Variants in SCN10A observed in about 807,000 individuals in gnomAD.
SCN10A encodes the protein sodium channel protein type 10 subunit alpha.
SCN10A carries 162 observed loss-of-function variants against 170.7 expected under a neutral mutation model. The observed-to-expected ratio is 0.95, with a 90% CI of 0.84 to 1.08. The LOEUF is 1.08. Ranked by LOEUF, SCN10A falls within the 50% of genes least tolerant of loss-of-function variation. The pLI is 0.00. For synonymous variants in SCN10A, 985 were observed against 904.6 expected (o/e 1.09, Z -1.59); for missense variants, 2,527 against 2,436.9 (o/e 1.04, Z -0.78).
At chr3:38,755,279 C>A (rs531378087) in intron 11 of SCN10A, among the ~76,000 whole-genome samples, 1 of 151,718 alleles carries the variant, frequency 6.6e-6, no homozygotes, top group Admixed American at 6.6e-5. Flanking sequence ...AAAACCACCT[C>A]GACGCATCAG....
chr3:38,720,063 C>G (rs1356714668), intron 20 of SCN10A, among the ~76,000 whole-genome samples: 1 of 152,202 alleles, frequency 6.6e-6, no homozygotes, highest in Non-Finnish European at 1.5e-5. Flanking sequence ...TGGGACAGCT[C>G]TTTGGTGTCC....
At chr3:38,799,496 CT>C (rs1231989913) in intron 1 of SCN10A, among the ~76,000 whole-genome samples, 1 of 152,060 alleles carries the variant, frequency 6.6e-6, no homozygotes, top group Non-Finnish European at 1.5e-5. Flanking sequence ...TTTTATTGTT[CT>C]TTTTATTATG....
chr3:38,722,177 A>C (rs1368943986), intron 20 of SCN10A, 81 bp downstream of exon 20: 1 of 1,392,898 alleles, frequency 7.2e-7, no homozygotes, highest in African/African-American at 1.4e-5. Flanking sequence ...AGGAGAACCC[A>C]CTGATGCAGC....
chr3:38,737,837 T>TCTTTCTTTCTTTCTTTCTTTCTTTCTTC (rs2063586299), intron 15 of SCN10A, among the ~76,000 whole-genome samples: 1 of 79,786 alleles, frequency 1.3e-5, no homozygotes, highest in East Asian at 4.5e-4. Context: ...TCTTTCTCTT[T>TCTTTCTTTCTTTCTTTCTTTCTTTCTTC]CTTCTTTCTT....
Position 38,755,802 on chromosome 3 carries a change from T to C in SCN10A, c.1447A>G (p.Asn483Asp). The C allele has an allele frequency of 4.3e-6, 7 of 1,613,814 alleles. No individual in the cohort carries two copies. The highest frequency in any genetic ancestry group is 5.9e-6 in the Non-Finnish European group (7 of 1,180,034). Reference protein sequence around the residue: ...DNKSPRSDPYNQRRMSFLGLA... With the variant: ...DNKSPRSDPYDQRRMSFLGLA... ...GAGCCTCTTACCATCCTGCGCTGGT[T>C]GTAAGGATCAGAGCGGGGTGATTTG... The change falls in exon 11 of 28, where the codon AAC becomes GAC. Residue 483 changes from asparagine to aspartate, a missense_variant. Transcript: ENST00000449082.
At chr3:38,723,701 G>A in intron 18 of SCN10A, 148 bp from the exon 19 acceptor site, 1 of 1,033,038 alleles carries the variant, frequency 9.7e-7, no homozygotes. Flanking sequence ...AGCCCCAGAG[G>A]CTTAGCTGTG....
intron 4 of SCN10A, among the ~76,000 whole-genome samples, chr3:38,780,040 C>A (rs1486452133): frequency 6.6e-6 from 1 of 151,686 alleles, no homozygotes; most frequent in Non-Finnish European, 1.5e-5. Context: ...ATTACTAGGT[C>A]ATCTATAATT....
rs567169368 is a variant in SCN10A, at chr3:38,765,643, CA to C, written c.600-2048del. On this transcript the variant is annotated intron_variant, in intron 5 of 27. Transcript: ENST00000449082. ...ATAGCCTTGTAGTATAGTTTGAAATCAGCTAAGGTGATGCCTCCAGATTTGT... is the reference window on the plus strand; with the variant it reads ...ATAGCCTTGTAGTATAGTTTGAAATCGCTAAGGTGATGCCTCCAGATTTGT... Among the ~76,000 whole-genome samples the C allele has an allele frequency of 8.3e-4, 126 of 152,226 alleles. 1 individual carries two copies. The highest frequency in any genetic ancestry group is 7.5e-3 in the South Asian group (36 of 4,826).
chr3:38,718,690 G>T lies in SCN10A; in HGVS notation c.3644C>A (p.Thr1215Asn). Residue 1215 changes from threonine to asparagine, a missense_variant, in exon 21 of 28, where the codon ACC becomes AAC. Transcript: ENST00000449082. ...GAAGTCCAGCCAGCACCAGGCATTG[G>T]TGAAGTACTTTTTGAAGCCATAGGC... ...WVAYGFKKYF[T>N]NAWCWLDFLI... 1 of 1,614,206 alleles carries T rather than the reference G, an allele frequency of 6.2e-7. No homozygotes were observed. The highest frequency in any genetic ancestry group is 8.5e-7 in the Non-Finnish European group (1 of 1,180,036).
At chr3:38,739,752 G>A in intron 14 of SCN10A, 64 bp from the exon 15 acceptor site, 2 of 1,316,300 alleles carry the variant, frequency 1.5e-6, no homozygotes, top group Non-Finnish European at 2.1e-6. Context: ...TGATAAAAAT[G>A]GCAGCAAGAA....
intron 1 of SCN10A, among the ~76,000 whole-genome samples, chr3:38,807,151 C>A (rs536091982): frequency 6.6e-6 from 1 of 152,154 alleles, no homozygotes; most frequent in African/African-American, 2.4e-5. Context: ...TTAAGTAAGC[C>A]AAATATTTTT....
chr3:38,779,415 C>G (rs2064112486), intron 4 of SCN10A, among the ~76,000 whole-genome samples: 1 of 151,904 alleles, frequency 6.6e-6, no homozygotes, highest in Admixed American at 6.6e-5. Context: ...CATTTAGGTA[C>G]TTTAAAATTT....
chr3:38,740,567 G>C (rs1559435929), intron 14 of SCN10A, among the ~76,000 whole-genome samples: 1 of 152,162 alleles, frequency 6.6e-6, no homozygotes, highest in South Asian at 2.1e-4. Flanking sequence ...GGTGTGGTGG[G>C]GGGTAGGGTT....
intron 1 of SCN10A, among the ~76,000 whole-genome samples, chr3:38,796,635 T>C (rs1200425811): frequency 4.6e-5 from 7 of 152,172 alleles, no homozygotes; most frequent in Admixed American, 3.3e-4. Context: ...GTTAAGGCTT[T>C]TCCATATTCC....
In SCN10A at chr3:38,792,036, C is replaced by A. The variant is rs757869091; in HGVS notation, c.389+14G>T. 2 of 1,612,458 alleles carry A rather than the reference C, an allele frequency of 1.2e-6. No individual in the cohort carries two copies. Among genetic ancestry groups the A allele is most frequent in the Non-Finnish European group, 1.7e-6 (2 of 1,179,192 alleles). On this transcript the variant is annotated intron_variant, in intron 3 of 27. Transcript: ENST00000449082. ...AATTGTAACACGTGGAAGAGGCAAT[C>A]GTGCAAAGGATATGAGTGGACAGAC...
chr3:38,713,089 A>C (rs570682325), intron 22 of SCN10A, among the ~76,000 whole-genome samples: 3 of 152,318 alleles, frequency 2.0e-5, no homozygotes, highest in South Asian at 4.1e-4. Flanking sequence ...TGTAATTATG[A>C]GGAAGAGGTG....
intron 1 of SCN10A, among the ~76,000 whole-genome samples, chr3:38,809,133 G>T (rs770681209): frequency 6.6e-6 from 1 of 152,226 alleles, no homozygotes; most frequent in Non-Finnish European, 1.5e-5. Flanking sequence ...AGGCCAGGCA[G>T]GTTCCATGCA....
At chr3:38,782,651 A>G (rs2064152506) in intron 4 of SCN10A, among the ~76,000 whole-genome samples, 1 of 152,116 alleles carries the variant, frequency 6.6e-6, no homozygotes, top group Admixed American at 6.6e-5. Flanking sequence ...AGAAGCATAG[A>G]CATTTTACAT....
chr3:38,709,705 G>A (rs2063251666), intron 24 of SCN10A, 90 bp from the exon 25 acceptor site: 3 of 1,209,312 alleles, frequency 2.5e-6, no homozygotes, highest in Admixed American at 3.0e-5. Flanking sequence ...GGACCTGGGT[G>A]CAGGTGATTT....
Sources: gnomAD v4.1 joint callset for allele counts (sites outside exome capture counted in the v4.1 genomes callset) on GRCh38, gnomAD v4.1.1 for gene constraint, MANE v1.5 for transcripts, NCBI Gene and HGNC (gene_info 2026-07-23, HGNC 2026-07-21) for gene names.